The following LYPLAL1 variants were observed in gnomAD, a reference collection of about 807,000 sequenced individuals.
The protein encoded by LYPLAL1 is lysophospholipase like 1.
Under a neutral mutation model 19.7 loss-of-function variants are expected in LYPLAL1, and 23 were observed. The observed-to-expected ratio is 1.17, with a 90% CI of 0.84 to 1.65. The LOEUF is 1.65. LYPLAL1 is among the 40% of genes most tolerant of loss of function. LYPLAL1 has a pLI of 0.00. For synonymous variants in LYPLAL1, 119 were observed against 96.3 expected, an observed-to-expected ratio of 1.24 and a Z score of -1.38; for missense variants, 355 against 279.4, an observed-to-expected ratio of 1.27 and a Z score of -1.93.
At chr1:219,445,296 G>C in the LYPLAL1 span, among the ~76,000 whole-genome samples, 109 of 150,960 alleles carry the variant, frequency 7.2e-4, no homozygotes, top group African/African-American at 2.6e-3. Context: ...ACTGATGAGT[G>C]TGGAAGTCCT....
At chr1:219,234,590 C>A in the LYPLAL1 span, among the ~76,000 whole-genome samples, 1 of 151,956 alleles carries the variant, frequency 6.6e-6, no homozygotes, top group Non-Finnish European at 1.5e-5. Flanking sequence ...TGAAAATCTG[C>A]AGGTCAAACT....
At chr1:219,408,317 C>G in the LYPLAL1 span, among the ~76,000 whole-genome samples, 14 of 152,276 alleles carry the variant, frequency 9.2e-5, no homozygotes, top group African/African-American at 3.1e-4. Context: ...ACTTCTAAAT[C>G]TAGGTTCCTT....
At chr1:219,192,630 T>C (rs984936170) in intron 2 of LYPLAL1, among the ~76,000 whole-genome samples, 10 of 151,632 alleles carry the variant, frequency 6.6e-5, no homozygotes, top group African/African-American at 2.4e-4. Context: ...TCTCTAAGGT[T>C]TTTTTTTGTT....
chr1:219,230,428 TTTGA>T, the LYPLAL1 span, among the ~76,000 whole-genome samples: 1 of 152,190 alleles, frequency 6.6e-6, no homozygotes, highest in Admixed American at 6.5e-5. Flanking sequence ...TATCTTGCAA[TTTGA>T]TTGACTTAGC....
chr1:219,347,148 A>T, the LYPLAL1 span, among the ~76,000 whole-genome samples: 26 of 152,248 alleles, frequency 1.7e-4, no homozygotes, highest in South Asian at 5.2e-3. Context: ...TTTTTCAAAA[A>T]TGCTCCTTGA....
chr1:219,430,827 G>GT, the LYPLAL1 span, among the ~76,000 whole-genome samples: 1 of 152,080 alleles, frequency 6.6e-6, no homozygotes, highest in East Asian at 1.9e-4. Context: ...TCTAGGTGTA[G>GT]TTTTTTAATT....
chr1:219,245,897 G>A, the LYPLAL1 span, among the ~76,000 whole-genome samples: 11 of 152,092 alleles, frequency 7.2e-5, no homozygotes, highest in Admixed American at 3.9e-4. Context: ...CTGTGGACTC[G>A]AGTCGATAAA....
the LYPLAL1 span, among the ~76,000 whole-genome samples, chr1:219,415,887 C>T: frequency 3.9e-5 from 6 of 152,174 alleles, no homozygotes; most frequent in African/African-American, 9.6e-5. Context: ...TTCCTGTCAC[C>T]GCATGGTCTT....
chr1:219,188,912 A>C (rs1459912998), intron 2 of LYPLAL1, among the ~76,000 whole-genome samples: 1 of 151,726 alleles, frequency 6.6e-6, no homozygotes, highest in Non-Finnish European at 1.5e-5. Context: ...TAAAAAACAA[A>C]CTTTTATATT....
At chr1:219,237,103 G>A in the LYPLAL1 span, among the ~76,000 whole-genome samples, 1 of 152,060 alleles carries the variant, frequency 6.6e-6, no homozygotes, top group African/African-American at 2.4e-5. Flanking sequence ...AGAAATTAAT[G>A]GTTAAGACAA....
the LYPLAL1 span, among the ~76,000 whole-genome samples, chr1:219,390,220 A>G: frequency 6.6e-6 from 1 of 152,210 alleles, no homozygotes; most frequent in Non-Finnish European, 1.5e-5. Context: ...TTGACATGCT[A>G]TACTAAACAA....
In LYPLAL1 at chr1:219,212,390, T is replaced by C. The variant is rs957400323; in HGVS notation, c.*662T>C. The C allele has an allele frequency of 1.3e-5, 2 of 151,980 alleles. No homozygotes were observed. The highest frequency in any genetic ancestry group is 6.6e-5 in the Admixed American group (1 of 15,250). 9.4% of individuals were successfully genotyped at this position (151,980 alleles called of 1,614,324 possible). On this transcript the variant is annotated 3_prime_UTR_variant, in exon 5 of 5. Coordinates refer to ENST00000366928, the MANE Select transcript of LYPLAL1 (RefSeq NM_138794.5). Reference sequence around the variant, plus strand: ...AATGATACTAATAGTACTTATCCCATTGGATTTTTGTTGAGATTTAAATAA... The same window carrying C: ...AATGATACTAATAGTACTTATCCCACTGGATTTTTGTTGAGATTTAAATAA...
the LYPLAL1 span, among the ~76,000 whole-genome samples, chr1:219,280,517 A>T: frequency 1.0e-3 from 155 of 152,216 alleles, 1 homozygote; most frequent in African/African-American, 3.0e-3. Flanking sequence ...ATAATGTCTA[A>T]TTTTTTCACA....
chr1:219,306,811 T>TATAGATAGATAGATAG, the LYPLAL1 span, among the ~76,000 whole-genome samples: 22 of 132,566 alleles, frequency 1.7e-4, no homozygotes, highest in African/African-American at 3.0e-4. Context: ...CATAGATAGA[T>TATAGATAGATAGATAG]ATAGATAGAT....
chr1:219,395,947 C>T, the LYPLAL1 span, among the ~76,000 whole-genome samples: 3 of 151,762 alleles, frequency 2.0e-5, no homozygotes, highest in Admixed American at 6.6e-5. Context: ...ACTAAAAATA[C>T]AAAAAATTAG....
At chr1:219,434,355 T>A in the LYPLAL1 span, among the ~76,000 whole-genome samples, 1 of 152,234 alleles carries the variant, frequency 6.6e-6, no homozygotes, top group South Asian at 2.1e-4. Flanking sequence ...TATAGTTAAA[T>A]GCTGTTTATT....
the LYPLAL1 span, chr1:219,410,039 A>G: frequency 6.6e-6 from 1 of 152,192 alleles, no homozygotes; most frequent in East Asian, 1.9e-4. Flanking sequence ...TAATTGGCCA[A>G]TGTCCTATGT....
At chr1:219,340,702 A>G in the LYPLAL1 span, among the ~76,000 whole-genome samples, 1 of 152,038 alleles carries the variant, frequency 6.6e-6, no homozygotes, top group South Asian at 2.1e-4. Context: ...AAAAATATAT[A>G]TATTTCTTTC....
chr1:219,443,768 C>T, the LYPLAL1 span, among the ~76,000 whole-genome samples: 1 of 151,966 alleles, frequency 6.6e-6, no homozygotes, highest in Non-Finnish European at 1.5e-5. Flanking sequence ...AGGTGAGCTA[C>T]ACATACACTT....
Sources: gnomAD v4.1 joint callset for allele counts (sites outside exome capture counted in the v4.1 genomes callset) on GRCh38, gnomAD v4.1.1 for gene constraint, MANE v1.5 for transcripts, NCBI Gene and HGNC (gene_info 2026-07-23, HGNC 2026-07-21) for gene names.